SHMT1: variants seen among roughly 807,000 people sequenced by gnomAD.
The protein encoded by SHMT1 is serine hydroxymethyltransferase 1.
Under a neutral mutation model 49.0 loss-of-function variants are expected in SHMT1, and 45 were observed. The observed-to-expected ratio is 0.92, with a 90% confidence interval of 0.72 to 1.18. SHMT1 has a LOEUF of 1.18. Among genes scored for constraint, SHMT1 ranks in the 50% most tolerant of loss-of-function variants. SHMT1 has a pLI of 0.00. For synonymous variants in SHMT1, 232 were observed against 246.6 expected (o/e 0.94, Z 0.55); for missense variants, 541 against 612.4 (o/e 0.88, Z 1.23).
chr17:18,356,647 A>C (rs1986268037), intron 1 of SHMT1, among the ~76,000 whole-genome samples: 1 of 152,170 alleles, frequency 6.6e-6, no homozygotes, highest in Non-Finnish European at 1.5e-5. Flanking sequence ...CATTATATTG[A>C]ATCAAAGCTC....
intron 5 of SHMT1, chr17:18,341,456 C>T (rs1975822): frequency 0.47 from 72,049 of 153,360 alleles, 17,670 homozygotes; most frequent in African/African-American, 0.61. Flanking sequence ...CTGGCTAACA[C>T]GGTGAAACCC....
chr17:18,358,010 C>T lies in SHMT1; in HGVS notation c.-19-2010G>A, dbSNP rs1006932686. On this transcript the variant is annotated intron_variant, in intron 1 of 11. Transcript: ENST00000316694. ...TCCCAAGTAGCCAGGAACACAGGCA[C>T]CCACCACCATGCCTGGCTAATTTTT... Among the ~76,000 whole-genome samples the T allele has an allele frequency of 1.3e-5, 2 of 150,862 alleles. 1 individual carries two copies. Among genetic ancestry groups the T allele is most frequent in the African/African-American group, 4.9e-5 (2 of 41,152 alleles).
At position 18,328,678 on chromosome 17, in the gene SHMT1, C is replaced by T. The variant is rs1473265053; in HGVS notation, c.*72G>A. The stretch of plus-strand genomic sequence containing the variant: ...TTCCCCTTTGGAGCAGCTCATCCAT[C>T]TCTCAGGTGGGGGTCCTCCGGCAGG... On this transcript the variant is annotated 3_prime_UTR_variant, in exon 12 of 12. Transcript: ENST00000316694. 4.0e-6 allele frequency: 6 copies of T among 1,513,220 alleles called. No individual in the cohort carries two copies. Among genetic ancestry groups the T allele is most frequent in the Admixed American group, 2.0e-5 (1 of 50,956 alleles). The allele number at this position is 1,513,220 out of a possible 1,614,324, so 93.7% of individuals were successfully genotyped here. A position where few individuals can be genotyped will look rare whatever the true frequency, so the allele number is the denominator to read the frequency against.
intron 1 of SHMT1, among the ~76,000 whole-genome samples, chr17:18,358,957 T>C (rs71367444): frequency 0.023 from 3,481 of 151,152 alleles, 64 homozygotes; most frequent in Middle Eastern, 0.056. Context: ...TAAATCTTCC[T>C]AAAGAATTAC....
At chr17:18,336,216 G>GCAGTGAGCCAAGATCGCGC (rs1240946178) in intron 7 of SHMT1, among the ~76,000 whole-genome samples, 5 of 151,372 alleles carry the variant, frequency 3.3e-5, no homozygotes, top group African/African-American at 1.2e-4. Flanking sequence ...GGCAGAGGTT[G>GCAGTGAGCCAAGATCGCGC]CAGTGAGCCA....
At chr17:18,334,911 C>A (rs192484682) in intron 8 of SHMT1, among the ~76,000 whole-genome samples, 1 of 152,340 alleles carries the variant, frequency 6.6e-6, no homozygotes, top group East Asian at 1.9e-4. Context: ...ATCTCCCAAT[C>A]GCTGCTGTCC....
chr17:18,348,292 G>T (rs758183699), intron 4 of SHMT1, 33 bp downstream of exon 4: 1 of 1,366,530 alleles, frequency 7.3e-7, no homozygotes, highest in Non-Finnish European at 1.0e-6. Flanking sequence ...CACATGAAGA[G>T]GCTGCACCAG....
chr17:18,330,715 G>A, intron 9 of SHMT1, 44 bp from the exon 10 acceptor site: 1 of 1,372,464 alleles, frequency 7.3e-7, no homozygotes, highest in Non-Finnish European at 1.0e-6. Flanking sequence ...CGAATTCTAT[G>A]CCGTGAAGGA....
Position 18,340,368 on chromosome 17 carries a change from A to T in SHMT1, c.602-113T>A. 8.6e-7 allele frequency: 1 copy of T among 1,162,938 alleles called. No homozygotes were observed. Among genetic ancestry groups the T allele is most frequent in the Non-Finnish European group, 1.3e-6 (1 of 797,770 alleles). 72.0% of individuals were successfully genotyped at this position (1,162,938 alleles called of 1,614,324 possible). On this transcript the variant is annotated intron_variant, in intron 6 of 11. Transcript: ENST00000316694. This position sits in a 1 kb window ranked among gnomAD's most constrained non-coding sequence, Gnocchi z 4.5. ...TGAAAGCCCAGAGATTTCTTCCCTT[A>T]AAGTCTCAGAGCAAAAATGGAGAAT...
Position 18,340,788 on chromosome 17 carries a change from T to A in SHMT1, c.545A>T (p.Asn182Ile). 6.2e-7 allele frequency: 1 copy of A among 1,613,672 alleles called. No homozygotes were observed. Among genetic ancestry groups the A allele is most frequent in the Non-Finnish European group, 8.5e-7 (1 of 1,179,858 alleles). Residue 182 changes from asparagine (N) to isoleucine (I), a missense_variant, in exon 6 of 12, where the codon AAC becomes ATC. Asn to Ile is a moderately radical substitution (Grantham distance 149, BLOSUM62 -3). Coordinates refer to ENST00000316694, the MANE Select transcript of SHMT1 (RefSeq NM_004169.5). This position sits in a 1 kb window ranked among gnomAD's most constrained non-coding sequence, Gnocchi z 4.5. ...TGCGTTCTCCTCCAGCTGGTCATAG[T>A]TGATGTAGCCAGTATCTGGGTTCAC... ...YKVNPDTGYI[N>I]YDQLEENARL...
chr17:18,355,501 T>C (rs529034654), intron 2 of SHMT1, among the ~76,000 whole-genome samples: 4 of 149,980 alleles, frequency 2.7e-5, no homozygotes, highest in Non-Finnish European at 3.0e-5. Flanking sequence ...GATCACGCCA[T>C]TGCACTCCAG....
chr17:18,328,949 C>T, intron 11 of SHMT1, 30 bp from the exon 12 acceptor site: 1 of 1,613,090 alleles, frequency 6.2e-7, no homozygotes, highest in Non-Finnish European at 8.5e-7. Flanking sequence ...TGAGTCACCC[C>T]ACACTACACA....
At chr17:18,355,620 C>T (rs1986168409) in intron 2 of SHMT1, among the ~76,000 whole-genome samples, 1 of 151,844 alleles carries the variant, frequency 6.6e-6, no homozygotes, top group Non-Finnish European at 1.5e-5. Flanking sequence ...TCCCTGTGAA[C>T]TGTCAGGAAA....
At chr17:18,361,469 C>G (rs1986766962) in intron 1 of SHMT1, among the ~76,000 whole-genome samples, 1 of 148,868 alleles carries the variant, frequency 6.7e-6, no homozygotes, top group Non-Finnish European at 1.5e-5. Flanking sequence ...CAGAGCTAGA[C>G]TCCGTTTCAA....
intron 2 of SHMT1, among the ~76,000 whole-genome samples, chr17:18,355,130 G>A (rs2151603171): frequency 6.7e-6 from 1 of 148,564 alleles, no homozygotes; most frequent in South Asian, 2.1e-4. Flanking sequence ...AGCACTTTGG[G>A]AGGCTGAGGT....
chr17:18,349,801 A>G (rs1017722369), intron 3 of SHMT1, among the ~76,000 whole-genome samples: 1 of 151,996 alleles, frequency 6.6e-6, no homozygotes, highest in Non-Finnish European at 1.5e-5. Context: ...TGGGCGGATC[A>G]CCTGACGTCA....
chr17:18,360,248 C>CA lies in SHMT1; in HGVS notation c.-20+3123dup, dbSNP rs200421267. 9.0e-4 allele frequency among the ~76,000 whole-genome samples: 136 copies of CA among 150,578 alleles called. 1 individual carries two copies. The highest frequency in any genetic ancestry group is 1.7e-3 in the Non-Finnish European group (113 of 67,630). On this transcript the variant is annotated intron_variant, in intron 1 of 11. Transcript: ENST00000316694. ...TGGGTGACAGAGCAAGACTCCATCA[C>CA]AAAAAAAACCAAAAAGAAATACACA...
intron 5 of SHMT1, among the ~76,000 whole-genome samples, chr17:18,344,690 ACTC>A (rs1355994328): frequency 6.6e-6 from 1 of 151,882 alleles, no homozygotes; most frequent in Non-Finnish European, 1.5e-5. Flanking sequence ...CAAGAGAACA[ACTC>A]CTAGAAGAAT....
chr17:18,329,495 GGC>G (rs1407193864), intron 10 of SHMT1, 107 bp from the exon 11 acceptor site: 40 of 869,974 alleles, frequency 4.6e-5, no homozygotes, highest in Non-Finnish European at 7.4e-5. Flanking sequence ...TGAGGATACT[GGC>G]TGTCCCTAGC....
Sources: gnomAD v4.1 joint callset for allele counts (sites outside exome capture counted in the v4.1 genomes callset) on GRCh38, gnomAD v4.1.1 for gene constraint, Gnocchi (gnomAD v3.1) non-coding constraint, MANE v1.5 for transcripts, NCBI Gene and HGNC (gene_info 2026-07-23, HGNC 2026-07-21) for gene names.